SLC25A48: variants seen among roughly 807,000 people sequenced by gnomAD.
SLC25A48 encodes CTC-321K16.1.
Under a neutral mutation model 32.2 loss-of-function variants are expected in SLC25A48, and 29 were observed. The observed-to-expected ratio is 0.90, with a 90% confidence interval of 0.67 to 1.23. The LOEUF (loss-of-function observed/expected upper bound fraction) is 1.23. Ranked by LOEUF, SLC25A48 falls within the 50% of genes most tolerant of loss-of-function variation. The pLI is 0.00. For synonymous variants in SLC25A48, 164 were observed against 172.3 expected (o/e 0.95, Z 0.38); for missense variants, 399 against 422.7 (o/e 0.94, Z 0.49).
At chr5:135,793,013 T>C (rs1234178820) in intron 3 of SLC25A48, among the ~76,000 whole-genome samples, 2 of 148,840 alleles carry the variant, frequency 1.3e-5, no homozygotes, top group Non-Finnish European at 3.0e-5. Flanking sequence ...GGGGAGATAT[T>C]ATTCCTAATA....
chr5:135,754,468 T>C (rs1755847075), intron 3 of SLC25A48, among the ~76,000 whole-genome samples: 1 of 152,018 alleles, frequency 6.6e-6, no homozygotes, highest in South Asian at 2.1e-4. Context: ...TGATGTTTAT[T>C]ATATCACAGT....
chr5:135,605,643 C>T (rs1751916732), intron 1 of SLC25A48, among the ~76,000 whole-genome samples: 1 of 152,200 alleles, frequency 6.6e-6, no homozygotes, highest in South Asian at 2.1e-4. Context: ...GACTTTCTTG[C>T]TGGGAATTTG....
intron 2 of SLC25A48, among the ~76,000 whole-genome samples, chr5:135,847,594 C>T (rs1001803116): frequency 3.9e-5 from 6 of 152,270 alleles, no homozygotes; most frequent in African/African-American, 1.4e-4. Flanking sequence ...AATGTAATTA[C>T]AAGTGTCCTT....
chr5:135,757,395 T>C (rs193078727), intron 3 of SLC25A48, among the ~76,000 whole-genome samples: 1 of 149,666 alleles, frequency 6.7e-6, no homozygotes, highest in African/African-American at 2.4e-5. Context: ...ACATTTATAA[T>C]GTCTACTGTT....
intron 3 of SLC25A48, 69 bp downstream of exon 3, chr5:135,850,565 G>A: frequency 6.8e-7 from 1 of 1,479,428 alleles, no homozygotes; most frequent in Non-Finnish European, 9.4e-7. Flanking sequence ...CAGGGCCACA[G>A]CCCCACACCA....
intron 3 of SLC25A48, among the ~76,000 whole-genome samples, chr5:135,635,830 GA>G (rs1227659849): frequency 2.0e-5 from 3 of 152,168 alleles, no homozygotes; most frequent in Admixed American, 6.5e-5. Context: ...TAAGTGACAG[GA>G]AACCCACTAC....
chr5:135,653,708 C>T (rs760346148), intron 3 of SLC25A48: 1 of 423,822 alleles, frequency 2.4e-6, no homozygotes, highest in Non-Finnish European at 4.8e-6. Flanking sequence ...GACCAATCTC[C>T]ACTCCCCATA....
chr5:135,581,428 T>C (rs1289910582), intron 1 of SLC25A48, among the ~76,000 whole-genome samples: 1 of 152,242 alleles, frequency 6.6e-6, no homozygotes, highest in Admixed American at 6.5e-5. Flanking sequence ...TCATAGAAAT[T>C]GCCAATTGCT....
intron 3 of SLC25A48, among the ~76,000 whole-genome samples, chr5:135,653,415 C>T (rs1026528689): frequency 2.6e-5 from 4 of 152,148 alleles, no homozygotes; most frequent in African/African-American, 9.7e-5. Flanking sequence ...ACTACAGTAA[C>T]CAAAATATAG....
At chr5:135,687,239 T>TG (rs1754038301) in intron 3 of SLC25A48, among the ~76,000 whole-genome samples, 1 of 152,200 alleles carries the variant, frequency 6.6e-6, no homozygotes, top group East Asian at 1.9e-4. Context: ...ACAGATTGGG[T>TG]GAGAAGGTGA....
At chr5:135,839,411 T>G (rs574364594) in intron 1 of SLC25A48, among the ~76,000 whole-genome samples, 58 of 152,322 alleles carry the variant, frequency 3.8e-4, no homozygotes, top group Non-Finnish European at 7.9e-4. Flanking sequence ...CCCTTTGTTT[T>G]GGCCAATTTT....
chr5:135,815,809 C>T (rs1319881748), intron 4 of SLC25A48, among the ~76,000 whole-genome samples: 9 of 152,050 alleles, frequency 5.9e-5, no homozygotes, highest in African/African-American at 2.2e-4. Flanking sequence ...CTGATTATGA[C>T]CTGTAATACA....
At chr5:135,596,816 G>T (rs1258506685) in intron 1 of SLC25A48, among the ~76,000 whole-genome samples, 1 of 152,128 alleles carries the variant, frequency 6.6e-6, no homozygotes, top group Non-Finnish European at 1.5e-5. Context: ...CTATCATTTT[G>T]GTAGCCTCCA....
chr5:135,878,977 C>T (rs1033278932), intron 6 of SLC25A48, among the ~76,000 whole-genome samples: 1 of 152,092 alleles, frequency 6.6e-6, no homozygotes, highest in Non-Finnish European at 1.5e-5. Flanking sequence ...GTTATAACTG[C>T]TTGAGAGTTG....
At chr5:135,796,333 C>T (rs897977937) in intron 3 of SLC25A48, among the ~76,000 whole-genome samples, 4 of 151,396 alleles carry the variant, frequency 2.6e-5, no homozygotes, top group African/African-American at 7.3e-5. Flanking sequence ...GTGTGCACCC[C>T]CCTGTGATAT....
Position 135,857,785 on chromosome 5 carries a change from G to A in SLC25A48, c.421+4964G>A, listed in dbSNP as rs1760455305. On this transcript the variant is annotated intron_variant, in intron 4 of 7. Coordinates refer to ENST00000681962, the MANE Select transcript of SLC25A48 (RefSeq NM_001349336.2). ...GCCTGGAGGTCAGGGCTGTGCACCT[G>A]CCCAGGTAGTGCTGAGGGCCACTCA... is the stretch of plus-strand genomic sequence containing the variant. Among the ~76,000 whole-genome samples, 3 of 152,178 alleles carry A rather than the reference G, an allele frequency of 2.0e-5. No individual in the cohort carries two copies. In the South Asian group the frequency reaches 6.2e-4, roughly 31 times the overall value.
At chr5:135,794,906 C>G (rs571530586) in intron 3 of SLC25A48, among the ~76,000 whole-genome samples, 161 of 151,762 alleles carry the variant, frequency 1.1e-3, no homozygotes, top group Non-Finnish European at 1.9e-3. Context: ...TTCTCATATC[C>G]TGTGGGAAAG....
chr5:135,803,197 G>C (rs1379363386), intron 3 of SLC25A48: 1 of 150,642 alleles, frequency 6.6e-6, no homozygotes, highest in African/African-American at 2.4e-5. Context: ...TATCACAGTG[G>C]GTGCACTCTG....
At chr5:135,778,748 G>T (rs867562123) in intron 3 of SLC25A48, among the ~76,000 whole-genome samples, 253 of 1,156 alleles carry the variant, frequency 0.22, 4 homozygotes, top group African/African-American at 0.37. Context: ...TCCCAATACT[G>T]CAGGGGATGT....
Sources: gnomAD v4.1 joint callset for allele counts (sites outside exome capture counted in the v4.1 genomes callset) on GRCh38, gnomAD v4.1.1 for gene constraint, MANE v1.5 for transcripts, NCBI Gene and HGNC (gene_info 2026-07-23, HGNC 2026-07-21) for gene names.